Variants in FAXDC2 observed in about 807,000 individuals in gnomAD.
FAXDC2 encodes fatty acid hydroxylase domain containing 2, also known as fatty acid hydroxylase domain-containing protein 2.
A neutral mutation model predicts 40.9 loss-of-function variants in FAXDC2; 41 were observed. The observed-to-expected ratio is 1.00, with a 90% CI of 0.78 to 1.30. FAXDC2 has a LOEUF of 1.30. Ranked by LOEUF, FAXDC2 falls within the 50% of genes most tolerant of loss-of-function variation. The probability of loss-of-function intolerance (pLI) is 0.00; values close to 1 mark genes in which losing one functional copy is unlikely to be tolerated. For synonymous variants in FAXDC2, 157 were observed against 149.3 expected (o/e 1.05, Z -0.38); for missense variants, 390 against 408.8 (o/e 0.95, Z 0.40).
chr5:154,845,958 G>GTA (rs372753466), intron 1 of FAXDC2, among the ~76,000 whole-genome samples: 2,402 of 147,970 alleles, frequency 0.016, 24 homozygotes, highest in East Asian at 0.032. Context: ...GCTAATTTTT[G>GTA]TATATATATA....
intron 5 of FAXDC2, among the ~76,000 whole-genome samples, chr5:154,827,783 G>C (rs887829713): frequency 6.6e-6 from 1 of 152,012 alleles, no homozygotes; most frequent in African/African-American, 2.4e-5. Flanking sequence ...CCTGAGCTTA[G>C]GCATTCCTCC....
chr5:154,838,042 G>A, intron 2 of FAXDC2, 89 bp downstream of exon 2: 4 of 858,304 alleles, frequency 4.7e-6, no homozygotes, highest in South Asian at 4.2e-5. Context: ...AAACCTTGGG[G>A]GAGATGTTGG....
chr5:154,834,712 A>G lies in FAXDC2; in HGVS notation c.157T>C (p.Trp53Arg). Residue 53 changes from tryptophan (W) to arginine (R), a missense_variant, in exon 4 of 9, where the codon TGG (tryptophan) becomes CGG (arginine). Physicochemically the swap from Trp to Arg is moderately radical, Grantham distance 101 (BLOSUM62 -3). Coordinates refer to ENST00000326080, the MANE Select transcript of FAXDC2 (RefSeq NM_032385.5). Reference sequence around the variant, plus strand: ...TGCCAAAAGTAGCCAGAAGCACCCCAAAATCTCTGAAGATGCCTTGGAAAA... The same window carrying G: ...TGCCAAAAGTAGCCAGAAGCACCCCGAAATCTCTGAAGATGCCTTGGAAAA... ...NSVTWHLQRFWGASGYFWQAQ... is the reference protein window; with the variant it reads ...NSVTWHLQRFRGASGYFWQAQ... 6.2e-7 allele frequency: 1 copy of G among 1,613,816 alleles called. No homozygotes were observed.
intron 5 of FAXDC2, among the ~76,000 whole-genome samples, chr5:154,825,406 C>A (rs370985881): frequency 2.0e-5 from 3 of 150,640 alleles, no homozygotes; most frequent in East Asian, 3.9e-4. Context: ...TGCCTGTAAT[C>A]CCAGCACTTT....
chr5:154,844,867 C>A (rs1275009387), intron 1 of FAXDC2, among the ~76,000 whole-genome samples: 1 of 152,132 alleles, frequency 6.6e-6, no homozygotes, highest in Non-Finnish European at 1.5e-5. Flanking sequence ...GTTATGGAAA[C>A]TGCGTATTGC....
intron 4 of FAXDC2, among the ~76,000 whole-genome samples, chr5:154,831,701 G>C (rs1378749885): frequency 6.6e-6 from 1 of 152,110 alleles, no homozygotes; most frequent in African/African-American, 2.4e-5. Context: ...TGGCGGCTGG[G>C]ACTTGGAAAA....
intron 1 of FAXDC2, among the ~76,000 whole-genome samples, chr5:154,849,643 A>C (rs566186379): frequency 6.6e-6 from 1 of 152,336 alleles, no homozygotes; most frequent in East Asian, 1.9e-4. Context: ...TCGTAACTAA[A>C]GTTAGAAGCT....
chr5:154,842,465 A>G (rs1303218884), intron 1 of FAXDC2, among the ~76,000 whole-genome samples: 1 of 147,438 alleles, frequency 6.8e-6, no homozygotes, highest in Non-Finnish European at 1.5e-5. Flanking sequence ...CGACCTCCCA[A>G]AGTGCTGGGA....
chr5:154,824,290 T>C, intron 5 of FAXDC2: 1 of 589,696 alleles, frequency 1.7e-6, no homozygotes, highest in Non-Finnish European at 3.0e-6. Flanking sequence ...ACCCTTCCCT[T>C]TGTCAGAGCA....
chr5:154,838,088 G>T, intron 2 of FAXDC2, 43 bp downstream of exon 2: 1 of 1,336,206 alleles, frequency 7.5e-7, no homozygotes, highest in South Asian at 1.2e-5. Flanking sequence ...AAGAGCCACT[G>T]ACTACATTCT....
intron 8 of FAXDC2, 180 bp from the exon 9 acceptor site, chr5:154,820,652 C>G: frequency 5.8e-6 from 3 of 514,900 alleles, no homozygotes; most frequent in Non-Finnish European, 1.0e-5. Flanking sequence ...CCGGGGGCCA[C>G]TCCAAACCTG....
rs1173948770 is a variant in FAXDC2, at chr5:154,818,773, T to G, written c.*1543A>C. On this transcript the variant is annotated 3_prime_UTR_variant, in exon 9 of 9. Coordinates refer to ENST00000326080, the MANE Select transcript of FAXDC2 (RefSeq NM_032385.5). ...TCTTTCTCCTTATCTCCTACCCTTC[T>G]CTTTAAGCATATTGAAGATGGACTT... 6.6e-6 allele frequency: 1 copy of G among 152,256 alleles called. No homozygotes were observed. Among genetic ancestry groups the G allele is most frequent in the Non-Finnish European group, 1.5e-5 (1 of 68,066 alleles). 9.4% of individuals were successfully genotyped at this position (152,256 alleles called of 1,614,324 possible).
At chr5:154,825,650 C>CAAAAAAAAAAAAAAAAAA (rs386358555) in intron 5 of FAXDC2, among the ~76,000 whole-genome samples, 674 of 30,126 alleles carry the variant, frequency 0.022, 273 homozygotes, top group Middle Eastern at 0.083. Flanking sequence ...GACTCCGTCT[C>CAAAAAAAAAAAAAAAAAA]AAAAAAAAAA....
chr5:154,848,565 C>T (rs1421382517), intron 1 of FAXDC2, among the ~76,000 whole-genome samples: 2 of 152,158 alleles, frequency 1.3e-5, no homozygotes, highest in African/African-American at 4.8e-5. Flanking sequence ...AATGTAATTA[C>T]ACAGTTTAAA....
intron 1 of FAXDC2, 105 bp downstream of exon 1, chr5:154,850,378 G>A (rs1285622552): frequency 1.3e-5 from 2 of 152,274 alleles, no homozygotes; most frequent in African/African-American, 2.4e-5. Flanking sequence ...AGAGGACAGG[G>A]TGGTGGCAGA....
At chr5:154,838,317 CCAGA>C (rs1760402720) in intron 1 of FAXDC2, 139 bp from the exon 2 acceptor site, 1 of 703,336 alleles carries the variant, frequency 1.4e-6, no homozygotes, top group Admixed American at 3.0e-5. Flanking sequence ...CTTCCTGAAA[CCAGA>C]CAAATTGATT....
At chr5:154,842,517 T>G (rs1350492340) in intron 1 of FAXDC2, among the ~76,000 whole-genome samples, 2 of 108,886 alleles carry the variant, frequency 1.8e-5, no homozygotes, top group African/African-American at 7.8e-5. Flanking sequence ...TGTGTGTTTT[T>G]TTTTTTTTTT....
At chr5:154,826,017 T>C (rs2113129798) in intron 5 of FAXDC2, among the ~76,000 whole-genome samples, 1 of 152,122 alleles carries the variant, frequency 6.6e-6, no homozygotes, top group East Asian at 1.9e-4. Flanking sequence ...GAGTTGGATA[T>C]TTCAGCTTGG....
chr5:154,822,917 T>C (rs560194153), intron 6 of FAXDC2, among the ~76,000 whole-genome samples: 2 of 152,366 alleles, frequency 1.3e-5, no homozygotes, highest in South Asian at 4.1e-4. Flanking sequence ...TTGTCAGTTA[T>C]GAGACAACTA....
Sources: allele counts gnomAD v4.1 joint callset (sites outside exome capture counted in the v4.1 genomes callset), GRCh38; gene constraint gnomAD v4.1.1; transcripts MANE v1.5; gene names NCBI Gene and HGNC (gene_info 2026-07-23, HGNC 2026-07-21).